PIK3C2A: variants seen among roughly 807,000 people sequenced by gnomAD.
PIK3C2A encodes the protein phosphatidylinositol 4-phosphate 3-kinase C2 domain-containing subunit alpha.
In PIK3C2A, 97 loss-of-function variants were observed where a neutral mutation model predicts 204.5. That is an observed-to-expected ratio of 0.47 (90% CI 0.40 to 0.56). PIK3C2A has a LOEUF of 0.56. Ranked by LOEUF, PIK3C2A falls within the 20% of genes least tolerant of loss-of-function variation. The pLI is 0.00. For synonymous variants in PIK3C2A, 653 were observed against 664.4 expected, an observed-to-expected ratio of 0.98 and a Z score of 0.26; for missense variants, 1,735 against 1,969.2, an observed-to-expected ratio of 0.88 and a Z score of 2.25.
At chr11:17,167,548 G>A (rs1851007010) in intron 2 of PIK3C2A, among the ~76,000 whole-genome samples, 1 of 152,162 alleles carries the variant, frequency 6.6e-6, no homozygotes, top group South Asian at 2.1e-4. Context: ...TTGAACCTGG[G>A]AGGTGGAGGT....
At chr11:17,205,002 A>AC (rs1379454394) in intron 1 of PIK3C2A, among the ~76,000 whole-genome samples, 1 of 152,088 alleles carries the variant, frequency 6.6e-6, no homozygotes, top group East Asian at 1.9e-4. Flanking sequence ...ACATGGTGAA[A>AC]CCCCGTCTCT....
intron 18 of PIK3C2A, 132 bp downstream of exon 18, chr11:17,118,513 A>G (rs977318392): frequency 3.7e-6 from 2 of 541,088 alleles, no homozygotes; most frequent in Admixed American, 7.2e-5. Context: ...TAGCTCCTTT[A>G]AAATAATACC....
intron 22 of PIK3C2A, among the ~76,000 whole-genome samples, chr11:17,109,284 G>A (rs778060339): frequency 6.6e-6 from 1 of 152,138 alleles, no homozygotes; most frequent in African/African-American, 2.4e-5. Context: ...AGCATACTCT[G>A]ATTACTTGTA....
At chr11:17,145,986 G>T in intron 6 of PIK3C2A, 44 bp from the exon 7 acceptor site, 2 of 1,401,960 alleles carry the variant, frequency 1.4e-6, no homozygotes, top group Non-Finnish European at 1.0e-6. Flanking sequence ...CCACTCTTTG[G>T]TCTTTCTATT....
At chr11:17,139,248 G>C (rs1306370846) in intron 8 of PIK3C2A, among the ~76,000 whole-genome samples, 1 of 135,866 alleles carries the variant, frequency 7.4e-6, no homozygotes. Flanking sequence ...TTTTTTTTGA[G>C]GTGGAATCTC....
At chr11:17,196,736 A>C (rs1852173674) in intron 1 of PIK3C2A, among the ~76,000 whole-genome samples, 1 of 151,596 alleles carries the variant, frequency 6.6e-6, no homozygotes, top group Admixed American at 6.6e-5. Context: ...CGCTTGACTA[A>C]TTTTTCTGTA....
chr11:17,099,045 G>A (rs1252578624), intron 26 of PIK3C2A, among the ~76,000 whole-genome samples: 5 of 152,198 alleles, frequency 3.3e-5, no homozygotes, highest in East Asian at 3.9e-4. Context: ...TCAGGCATGC[G>A]CCACTATGCC....
At position 17,102,818 on chromosome 11, in the gene PIK3C2A, A is replaced by G. The variant is rs1425365258; in HGVS notation, c.3695T>C (p.Phe1232Ser). ...ACAGCATCCAGCACAGGAATAGATA[A>G]AGTTCTCTGAAGCCTATAAAAAACA... ...EEEYEKASEN[F>S]IYSCAGCCVA... Residue 1232 changes from phenylalanine to serine, a missense_variant, in exon 24 of 33, where the codon TTT becomes TCT. Coordinates refer to ENST00000691414, the MANE Select transcript of PIK3C2A (RefSeq NM_002645.4). 1 of 1,584,042 alleles carries G rather than the reference A, an allele frequency of 6.3e-7. No homozygotes were observed. The highest frequency in any genetic ancestry group is 8.6e-7 in the Non-Finnish European group (1 of 1,166,654).
intron 21 of PIK3C2A, 49 bp downstream of exon 21, chr11:17,112,524 TA>T: frequency 2.4e-6 from 2 of 833,440 alleles, no homozygotes; most frequent in East Asian, 2.7e-5. Context: ...AGTAATTTGA[TA>T]AAAAAATTTC....
chr11:17,195,101 T>C (rs1347815655), intron 1 of PIK3C2A, among the ~76,000 whole-genome samples: 4 of 152,254 alleles, frequency 2.6e-5, no homozygotes, highest in African/African-American at 4.8e-5. Flanking sequence ...TTTCTTGTGA[T>C]GTATTTTTTT....
At chr11:17,131,358 A>C (rs1849687425) in intron 12 of PIK3C2A, among the ~76,000 whole-genome samples, 1 of 152,168 alleles carries the variant, frequency 6.6e-6, no homozygotes, top group African/African-American at 2.4e-5. Flanking sequence ...AACTTGACAA[A>C]GTCTAAAAAG....
chr11:17,099,091 C>T (rs995078529), intron 26 of PIK3C2A, among the ~76,000 whole-genome samples: 1 of 152,146 alleles, frequency 6.6e-6, no homozygotes, highest in African/African-American at 2.4e-5. Context: ...GACGGGGTTT[C>T]TCCATGTTGG....
chr11:17,172,460 A>G (rs1275840158), intron 1 of PIK3C2A, among the ~76,000 whole-genome samples: 1 of 152,238 alleles, frequency 6.6e-6, no homozygotes, highest in Non-Finnish European at 1.5e-5. Context: ...CCACAACTCC[A>G]TGAGTGACTG....
Position 17,117,534 on chromosome 11 carries a change from C to A in PIK3C2A, c.3173G>T (p.Gly1058Val). The stretch of plus-strand genomic sequence containing the variant: ...AGCCTGCCTTACTTTTTCTGCTACT[C>A]CTCCTAAAAGCTGTACAAGTTTCGT... ...KQTKLVQLLGGVAEKVRQASG... is the reference protein window; with the variant it reads ...KQTKLVQLLGVVAEKVRQASG... The change falls in exon 19 of 33, where the codon GGA becomes GTA. Residue 1058 changes from glycine to valine, a missense_variant. Around this residue, in one of 6 missense-constraint regions of PIK3C2A, gnomAD observed 567 missense variants for 576.0 expected, o/e 0.98. Coordinates refer to ENST00000691414, the MANE Select transcript of PIK3C2A (RefSeq NM_002645.4). The A allele has an allele frequency of 1.2e-6, 2 of 1,613,736 alleles. No homozygotes were observed. The highest frequency in any genetic ancestry group is 2.2e-5 in the East Asian group (1 of 44,862).
intron 12 of PIK3C2A, among the ~76,000 whole-genome samples, chr11:17,130,786 G>A (rs1195259368): frequency 7.5e-6 from 1 of 132,738 alleles, no homozygotes; most frequent in Non-Finnish European, 1.6e-5. Context: ...CAGCCTGGGT[G>A]ACAGAGTGAG....
chr11:17,122,526 G>A (rs1467494341), intron 14 of PIK3C2A, among the ~76,000 whole-genome samples, 176 bp downstream of exon 14: 4 of 152,136 alleles, frequency 2.6e-5, no homozygotes, highest in African/African-American at 7.2e-5. Flanking sequence ...CTTGGGATAA[G>A]TACAGTGCAT....
chr11:17,113,874 G>A (rs1249816202), intron 20 of PIK3C2A, among the ~76,000 whole-genome samples: 1 of 151,324 alleles, frequency 6.6e-6, no homozygotes, highest in African/African-American at 2.4e-5. Flanking sequence ...GAGGTCAGGA[G>A]TTCAAGACCA....
At chr11:17,206,471 T>C (rs1852577912) in intron 1 of PIK3C2A, among the ~76,000 whole-genome samples, 1 of 151,074 alleles carries the variant, frequency 6.6e-6, no homozygotes, top group African/African-American at 2.4e-5. Flanking sequence ...TTTGCTGCTG[T>C]GAATAAGAGC....
intron 2 of PIK3C2A, among the ~76,000 whole-genome samples, chr11:17,158,112 C>T (rs774586709): frequency 1.5e-4 from 22 of 148,070 alleles, no homozygotes; most frequent in African/African-American, 2.2e-4. Flanking sequence ...CACTTTGGGA[C>T]GCCGAGGCAG....
Sources: gnomAD v4.1 joint callset for allele counts (sites outside exome capture counted in the v4.1 genomes callset) on GRCh38, gnomAD v4.1.1 for gene constraint, gnomAD v4.1.1 regional missense constraint, MANE v1.5 for transcripts, NCBI Gene and HGNC (gene_info 2026-07-23, HGNC 2026-07-21) for gene names.